Variants in UBXN2A observed in about 807,000 individuals in gnomAD.
The protein encoded by UBXN2A is UBX domain-containing protein 2A.
UBXN2A carries 28 observed loss-of-function variants against 28.4 expected under a neutral mutation model. The ratio of observed to expected loss-of-function variants is 0.99; its 90% CI spans 0.73 to 1.35. The LOEUF is 1.35. Ranked by LOEUF, UBXN2A falls within the 40% of genes most tolerant of loss-of-function variation. The pLI is 0.00. For missense variants in UBXN2A, 253 were observed against 297.9 expected, an observed-to-expected ratio of 0.85 and a Z score of 1.11; for synonymous variants, 97 against 103.6, an observed-to-expected ratio of 0.94 and a Z score of 0.39.
At chr2:23,967,219 TACTC>T (rs757651890) in intron 2 of UBXN2A, among the ~76,000 whole-genome samples, 13 of 152,222 alleles carry the variant, frequency 8.5e-5, no homozygotes, top group Non-Finnish European at 1.9e-4. Flanking sequence ...ATGTAGTAGA[TACTC>T]AATAAATATT....
intron 3 of UBXN2A, among the ~76,000 whole-genome samples, chr2:23,975,648 G>A (rs577130803): frequency 2.0e-5 from 3 of 151,786 alleles, no homozygotes; most frequent in South Asian, 2.1e-4. Flanking sequence ...TTCTTTTTTC[G>A]TTTTTTTAAG....
In UBXN2A at chr2:23,977,090, G is replaced by A. The variant is rs765220483; in HGVS notation, c.287+15G>A. The A allele has an allele frequency of 7.5e-6, 12 of 1,605,200 alleles. 1 individual carries two copies. The highest frequency in any genetic ancestry group is 1.6e-4 in the Middle Eastern group (1 of 6,068). On this transcript the variant is annotated intron_variant, in intron 4 of 6. Transcript: ENST00000309033. ...ATCAAAAAGGGGTGAGTAGCCAGGT[G>A]TGGTAGGTCAAGCCTGTAAACCCAA...
intron 1 of UBXN2A, among the ~76,000 whole-genome samples, chr2:23,953,695 CATAAT>C (rs2150823934): frequency 6.6e-6 from 1 of 152,310 alleles, no homozygotes; most frequent in Admixed American, 6.5e-5. Flanking sequence ...TTTTCTCCCT[CATAAT>C]ATATGTGTTG....
At chr2:23,950,189 T>C (rs1558839739) in intron 1 of UBXN2A, among the ~76,000 whole-genome samples, 1 of 152,072 alleles carries the variant, frequency 6.6e-6, no homozygotes, top group Non-Finnish European at 1.5e-5. Context: ...GCCAAAAATC[T>C]AAATGCTTAG....
At chr2:23,933,427 A>G (rs1418785949) in intron 1 of UBXN2A, among the ~76,000 whole-genome samples, 1 of 152,048 alleles carries the variant, frequency 6.6e-6, no homozygotes, top group Admixed American at 6.6e-5. Context: ...AATCGCTTGA[A>G]CCCGGGAGGC....
intron 6 of UBXN2A, among the ~76,000 whole-genome samples, chr2:23,991,443 A>G (rs925452396): frequency 2.0e-5 from 3 of 151,796 alleles, no homozygotes; most frequent in African/African-American, 7.2e-5. Flanking sequence ...ATACATATAT[A>G]TATATTATAT....
At chr2:23,936,462 C>T (rs113662457), upstream of UBXN2A, among the ~76,000 whole-genome samples, 9,778 of 151,628 alleles carry the variant, frequency 0.064, 409 homozygotes, top group African/African-American at 0.12. Context: ...GTAATCATAG[C>T]ACTTTGGGAG....
rs1305063305 is a variant in UBXN2A, at chr2:23,953,276, T to A, written c.-14-5025T>A. 2.6e-5 allele frequency among the ~76,000 whole-genome samples: 4 copies of A among 152,332 alleles called. No individual in the cohort carries two copies. The East Asian group carries it at 7.7e-4, about 29-fold the overall frequency. On this transcript the variant is annotated intron_variant, in intron 1 of 6. Coordinates refer to ENST00000309033, the MANE Select transcript of UBXN2A (RefSeq NM_181713.4). Reference sequence around the variant, plus strand: ...ATCCCAAATTTTATTATGAAACTTTTCAAGTGTGTATAAAAATGGAGAGAA... The same window carrying A: ...ATCCCAAATTTTATTATGAAACTTTACAAGTGTGTATAAAAATGGAGAGAA...
intron 2 of UBXN2A, among the ~76,000 whole-genome samples, chr2:23,958,954 C>A (rs369479783): frequency 2.0e-5 from 3 of 152,228 alleles, no homozygotes; most frequent in South Asian, 4.1e-4. Flanking sequence ...GATCATCTCT[C>A]CTTGGCTTCC....
At chr2:23,949,998 T>TC (rs1317326424) in intron 1 of UBXN2A, among the ~76,000 whole-genome samples, 21 of 128,552 alleles carry the variant, frequency 1.6e-4, no homozygotes, top group South Asian at 2.6e-4. Context: ...TTTCTCATCA[T>TC]CCCCCCACCC....
At chr2:23,982,334 T>C (rs1707945400) in intron 4 of UBXN2A, among the ~76,000 whole-genome samples, 2 of 151,138 alleles carry the variant, frequency 1.3e-5, no homozygotes, top group African/African-American at 4.9e-5. Flanking sequence ...GCCACTGCAG[T>C]CCAGCCTGGG....
chr2:23,944,991 T>C (rs1705987908), intron 1 of UBXN2A, among the ~76,000 whole-genome samples: 1 of 152,338 alleles, frequency 6.6e-6, no homozygotes, highest in South Asian at 2.1e-4. Flanking sequence ...GTTTTTTTTC[T>C]TGCATTTCTA....
chr2:23,930,599 C>G (rs764678179), intron 1 of UBXN2A, among the ~76,000 whole-genome samples: 1 of 152,176 alleles, frequency 6.6e-6, no homozygotes, highest in Non-Finnish European at 1.5e-5. Context: ...TGGCTCACGC[C>G]TATAATCCTA....
chr2:23,936,545 CA>C (rs558126613), upstream of UBXN2A, among the ~76,000 whole-genome samples: 98 of 132,886 alleles, frequency 7.4e-4, no homozygotes, highest in Middle Eastern at 3.8e-3. Flanking sequence ...AATCCTACCT[CA>C]AAAAAAAAAA....
At chr2:23,990,868 C>T (rs1480984655) in intron 6 of UBXN2A, among the ~76,000 whole-genome samples, 1 of 152,068 alleles carries the variant, frequency 6.6e-6, no homozygotes, top group Non-Finnish European at 1.5e-5. Context: ...AACACATACA[C>T]TATGATTCCA....
intron 6 of UBXN2A, among the ~76,000 whole-genome samples, chr2:23,991,383 A>T (rs937804887): frequency 6.6e-6 from 1 of 151,262 alleles, no homozygotes; most frequent in African/African-American, 2.4e-5. Flanking sequence ...AAAGAAATGC[A>T]TGTGATTTTA....
At chr2:23,981,657 GC>G (rs1311439380) in intron 4 of UBXN2A, among the ~76,000 whole-genome samples, 22 of 152,174 alleles carry the variant, frequency 1.4e-4, no homozygotes, top group African/African-American at 5.3e-4. Context: ...ACTTTGGGAG[GC>G]TGAGGTGGGC....
At chr2:23,942,419 C>CTTTTTTTT (rs759241567) in intron 1 of UBXN2A, among the ~76,000 whole-genome samples, 28 of 98,116 alleles carry the variant, frequency 2.9e-4, no homozygotes, top group South Asian at 4.0e-4. Context: ...TGATGCAGGG[C>CTTTTTTTT]TTTTTTTTTT....
intron 1 of UBXN2A, among the ~76,000 whole-genome samples, chr2:23,948,392 A>G (rs1706200139): frequency 6.6e-6 from 1 of 151,310 alleles, no homozygotes; most frequent in South Asian, 2.1e-4. Context: ...AGCTGGGATT[A>G]CAGGCATGCG....
Sources: allele counts gnomAD v4.1 joint callset (sites outside exome capture counted in the v4.1 genomes callset), GRCh38; gene constraint gnomAD v4.1.1; transcripts MANE v1.5; gene names NCBI Gene and HGNC (gene_info 2026-07-23, HGNC 2026-07-21).